Variants in DNAJC19 observed in about 807,000 individuals in gnomAD.
The protein encoded by DNAJC19 is mitochondrial import inner membrane translocase subunit TIM14.
Under a neutral mutation model 19.8 loss-of-function variants are expected in DNAJC19, and 15 were observed. The ratio of observed to expected loss-of-function variants is 0.76; its 90% confidence interval spans 0.51 to 1.17. DNAJC19 has a LOEUF of 1.17. Ranked by LOEUF, DNAJC19 falls within the 50% of genes most tolerant of loss-of-function variation. DNAJC19 has a pLI of 0.00. For synonymous variants in DNAJC19, 38 were observed against 42.1 expected, an observed-to-expected ratio of 0.90 and a Z score of 0.38; for missense variants, 105 against 140.9, an observed-to-expected ratio of 0.75 and a Z score of 1.29.
intron 3 of DNAJC19, 162 bp downstream of exon 3, chr3:180,987,861 G>T: frequency 1.2e-6 from 1 of 810,496 alleles, no homozygotes; most frequent in Non-Finnish European, 2.0e-6. Context: ...TTTCAGGGTA[G>T]CACCATCACA....
chr3:180,989,444 G>C lies in DNAJC19; in HGVS notation c.3+156C>G. The C allele has an allele frequency of 4.7e-6, 7 of 1,492,664 alleles. No individual in the cohort carries two copies. In the South Asian group the frequency reaches 6.5e-5, roughly 14 times the overall value. The allele number at this position is 1,492,664 out of a possible 1,614,324, so 92.5% of individuals were successfully genotyped here. A position where few individuals can be genotyped will look rare whatever the true frequency, so the allele number is the denominator to read the frequency against. On this transcript the variant is annotated intron_variant, in intron 1 of 5. Coordinates refer to ENST00000382564, the MANE Select transcript of DNAJC19 (RefSeq NM_145261.4). ...AAACCCCCAAGAGAGCGAGCCAACA[G>C]GGTTGTGTCCTGGTGAGTGTGACTC...
intron 1 of DNAJC19, among the ~76,000 whole-genome samples, chr3:180,989,167 G>A (rs1715087111): frequency 6.6e-6 from 1 of 152,140 alleles, no homozygotes; most frequent in African/African-American, 2.4e-5. Context: ...TTCCTAACAA[G>A]ACAGGCCCAA....
intron 3 of DNAJC19, chr3:180,987,241 CAATATGAACTATCTT>C: frequency 1.8e-6 from 1 of 571,156 alleles, no homozygotes; most frequent in East Asian, 3.0e-5. Context: ...TTTTTCCAGT[CAATATGAACTATCTT>C]AGAAATATAA....
chr3:180,987,860 A>T, intron 3 of DNAJC19, 163 bp downstream of exon 3: 1 of 794,640 alleles, frequency 1.3e-6, no homozygotes, highest in Non-Finnish European at 2.1e-6. Flanking sequence ...GTTTCAGGGT[A>T]GCACCATCAC....
intron 4 of DNAJC19, 97 bp from the exon 5 acceptor site, chr3:180,986,093 G>C: frequency 1.0e-6 from 1 of 960,602 alleles, no homozygotes; most frequent in Non-Finnish European, 1.6e-6. Context: ...TGAAACTGTA[G>C]TAAATTAACA....
intron 5 of DNAJC19, 89 bp from the exon 6 acceptor site, chr3:180,984,799 G>A (rs1183862164): frequency 1.1e-6 from 1 of 889,056 alleles, no homozygotes; most frequent in African/African-American, 1.7e-5. Context: ...GGACTCCAAT[G>A]CTTATCTGAG....
At chr3:180,988,606 C>A (rs1046239768) in intron 1 of DNAJC19, among the ~76,000 whole-genome samples, 12 of 151,884 alleles carry the variant, frequency 7.9e-5, no homozygotes, top group Non-Finnish European at 1.5e-4. Flanking sequence ...AGGGCAAGTT[C>A]GACTTGCTTA....
At chr3:180,989,564 C>A in intron 1 of DNAJC19, 36 bp downstream of exon 1, 1 of 1,568,976 alleles carries the variant, frequency 6.4e-7, no homozygotes, top group East Asian at 2.3e-5. Context: ...AGGCCTGGGC[C>A]GGAGGTCGCC....
In DNAJC19 at chr3:180,984,040, T is replaced by C. The variant is rs1442057594; in HGVS notation, c.*600A>G. ...ATTGTACCAGACCTGTACTCTGAAA[T>C]CTTTATCATACTATTTTTAATGCAT... On this transcript the variant is annotated 3_prime_UTR_variant, in exon 6 of 6. Transcript: ENST00000382564. 3 of 453,896 alleles carry C rather than the reference T, an allele frequency of 6.6e-6. No individual in the cohort carries two copies. The Admixed American group carries it at 7.1e-5, about 11-fold the overall frequency. The allele number at this position is 453,896 out of a possible 1,614,324, so 28.1% of individuals were successfully genotyped here. A position where few individuals can be genotyped will look rare whatever the true frequency, so the allele number is the denominator to read the frequency against.
rs776284659 is a variant in DNAJC19 at position 180,989,474 on chromosome 3, A to G, written c.3+126T>C. On this transcript the variant is annotated intron_variant, in intron 1 of 5. Coordinates refer to ENST00000382564, the MANE Select transcript of DNAJC19 (RefSeq NM_145261.4). ...GTGTCCTGGTGAGTGTGACTCCCCA[A>G]TAACCGAAACCTCCCGCCCGCAGTC... The G allele has an allele frequency of 4.1e-4, 635 of 1,535,750 alleles. 1 individual carries two copies. The highest frequency in any genetic ancestry group is 5.2e-4 in the Non-Finnish European group (588 of 1,138,784).
Position 180,983,950 on chromosome 3 carries a change from T to TA in DNAJC19, c.*689dup. The TA allele has an allele frequency of 2.2e-6, 1 of 453,848 alleles. No individual in the cohort carries two copies. The highest frequency in any genetic ancestry group is 1.6e-5 in the South Asian group (1 of 64,450). The allele number at this position is 453,848 out of a possible 1,614,324, so 28.1% of individuals were successfully genotyped here. A position where few individuals can be genotyped will look rare whatever the true frequency, so the allele number is the denominator to read the frequency against. On this transcript the variant is annotated 3_prime_UTR_variant, in exon 6 of 6. Coordinates refer to ENST00000382564, the MANE Select transcript of DNAJC19 (RefSeq NM_145261.4). ...TAAATACTCATGCCTGTAATCCCAG[T>TA]ACTTTGGGAGGCTGAGGCGGGAGGA...
chr3:180,984,609 A>G lies in DNAJC19; in HGVS notation c.*31T>C. 1 of 1,506,864 alleles carries G rather than the reference A, an allele frequency of 6.6e-7. No individual in the cohort carries two copies. Among genetic ancestry groups the G allele is most frequent in the Non-Finnish European group, 9.1e-7 (1 of 1,093,110 alleles). The allele number at this position is 1,506,864 out of a possible 1,614,324, so 93.3% of individuals were successfully genotyped here. A position where few individuals can be genotyped will look rare whatever the true frequency, so the allele number is the denominator to read the frequency against. Reference sequence around the variant, plus strand: ...ACTTAGTACTCATATACATAAACTAATACGAACTTAAAATTCATCATACAT... The same window carrying G: ...ACTTAGTACTCATATACATAAACTAGTACGAACTTAAAATTCATCATACAT... On this transcript the variant is annotated 3_prime_UTR_variant, in exon 6 of 6. Transcript: ENST00000382564.
rs760014189 is a variant in DNAJC19, at chr3:180,988,153, T to C, written c.55+25A>G. 3.7e-6 allele frequency: 6 copies of C among 1,614,026 alleles called. No homozygotes were observed. In the African/African-American group the frequency reaches 8.0e-5, roughly 22 times the overall value. ...AAATCTCCAATCTCCCCGACTTCAC[T>C]TCCATCCCCAAACCATAAACAAACC... On this transcript the variant is annotated intron_variant, in intron 2 of 5. Coordinates refer to ENST00000382564, the MANE Select transcript of DNAJC19 (RefSeq NM_145261.4).
chr3:180,989,070 C>G (rs189355705), intron 1 of DNAJC19, among the ~76,000 whole-genome samples: 1 of 151,738 alleles, frequency 6.6e-6, no homozygotes, highest in African/African-American at 2.4e-5. Context: ...TGTTTACAGA[C>G]GGCTCCTGTA....
intron 1 of DNAJC19, 176 bp downstream of exon 1, chr3:180,989,424 C>A (rs1715101365): frequency 6.8e-7 from 1 of 1,460,552 alleles, no homozygotes; most frequent in Admixed American, 2.5e-5. Flanking sequence ...AACACAAACC[C>A]CCAAGAGAGC....
chr3:180,989,272 C>A, intron 1 of DNAJC19: 1 of 1,317,148 alleles, frequency 7.6e-7, no homozygotes, highest in Non-Finnish European at 9.8e-7. Flanking sequence ...TGTGTTAGGG[C>A]AAGGGCACTT....
In DNAJC19 at chr3:180,984,085, T is replaced by G. The variant is rs1329229693; in HGVS notation, c.*555A>C. On this transcript the variant is annotated 3_prime_UTR_variant, in exon 6 of 6. Transcript: ENST00000382564. ...ATGCATGAAATAAAAATGGTTTATA[T>G]GTACATAGAATACACACACACACAC... The G allele has an allele frequency of 2.2e-6, 1 of 454,030 alleles. No individual in the cohort carries two copies. Among genetic ancestry groups the G allele is most frequent in the Admixed American group, 2.3e-5 (1 of 42,566 alleles). 28.1% of individuals were successfully genotyped at this position (454,030 alleles called of 1,614,324 possible).
chr3:180,986,424 GGTGTGTGCCATTAC>G (rs1714914546), intron 4 of DNAJC19, among the ~76,000 whole-genome samples: 2 of 151,982 alleles, frequency 1.3e-5, no homozygotes, highest in Non-Finnish European at 2.9e-5. Context: ...TGGGATTACA[GGTGTGTGCCATTAC>G]GCCTGGCTAA....
At chr3:180,987,676 G>A (rs1024616080) in intron 3 of DNAJC19, 10 of 356,010 alleles carry the variant, frequency 2.8e-5, no homozygotes, top group African/African-American at 1.1e-4. Context: ...TGGTCAGATC[G>A]GATCACTTTA....
Sources: allele counts gnomAD v4.1 joint callset (sites outside exome capture counted in the v4.1 genomes callset), GRCh38; gene constraint gnomAD v4.1.1; transcripts MANE v1.5; gene names NCBI Gene and HGNC (gene_info 2026-07-23, HGNC 2026-07-21).